Variants in LOXL1 observed in about 807,000 individuals in gnomAD.
The protein encoded by LOXL1 is lysyl oxidase like 1.
In LOXL1, 31 loss-of-function variants were observed where a neutral mutation model predicts 62.2. That is an observed-to-expected ratio of 0.50 (90% CI 0.37 to 0.67). LOXL1 has a LOEUF of 0.67. Ranked by LOEUF, LOXL1 falls within the 30% of genes least tolerant of loss-of-function variation. The pLI, the probability that LOXL1 is intolerant of heterozygous loss-of-function variation, is 0.00. For synonymous variants in LOXL1, 403 were observed against 384.4 expected (o/e 1.05, Z -0.56); for missense variants, 775 against 843.4 (o/e 0.92, Z 1.00).
chr15:73,944,291 T>C (rs1474327183), intron 2 of LOXL1, among the ~76,000 whole-genome samples: 2 of 152,248 alleles, frequency 1.3e-5, no homozygotes, highest in African/African-American at 4.8e-5. Context: ...ACTATTAACA[T>C]CACTGCCTCT....
In LOXL1 at chr15:73,946,882, A is replaced by G. The variant is rs375108947; in HGVS notation, c.1350-185A>G. On this transcript the variant is annotated intron_variant, in intron 3 of 6. Transcript: ENST00000261921. ...GGGTCTAGAGCATGTGCTGTCCTGG[A>G]GTGACCCAGCTAGGTGGGGAGCACA... Among the ~76,000 whole-genome samples, 26 of 152,350 alleles carry G rather than the reference A, an allele frequency of 1.7e-4. No homozygotes were observed. In the East Asian group the frequency reaches 4.2e-3, roughly 25 times the overall value.
At chr15:73,951,342 G>A (rs1800962680) in intron 6 of LOXL1, among the ~76,000 whole-genome samples, 1 of 152,126 alleles carries the variant, frequency 6.6e-6, no homozygotes, top group South Asian at 2.1e-4. Context: ...CTTTACATAA[G>A]TGCTTGGAAA....
intron 1 of LOXL1, among the ~76,000 whole-genome samples, chr15:73,941,115 G>T (rs1197496619): frequency 6.6e-6 from 1 of 152,182 alleles, no homozygotes; most frequent in Admixed American, 6.5e-5. Context: ...GAGGCTTCCA[G>T]GGTCCAGAGA....
Position 73,937,760 on chromosome 15 carries a change from G to A in LOXL1, c.1103-5094G>A, listed in dbSNP as rs139714893. On this transcript the variant is annotated intron_variant, in intron 1 of 6. Coordinates refer to ENST00000261921, the MANE Select transcript of LOXL1 (RefSeq NM_005576.4). ...TCCTGGGAGCAAGAAATTGATGGTG[G>A]CCAGGGTTTTCCTGGGTAGTCTGAG... is the stretch of plus-strand genomic sequence containing the variant. Among the ~76,000 whole-genome samples, 349 of 152,376 alleles carry A rather than the reference G, an allele frequency of 2.3e-3. 1 individual carries two copies. Among genetic ancestry groups the A allele is most frequent in the African/African-American group, 8.1e-3 (337 of 41,598 alleles).
chr15:73,950,327 C>CA (rs1424366608), intron 6 of LOXL1, among the ~76,000 whole-genome samples: 1 of 151,004 alleles, frequency 6.6e-6, no homozygotes, highest in Non-Finnish European at 1.5e-5. Flanking sequence ...CTAGAGCTTT[C>CA]AGCTTTAGTT....
chr15:73,934,517 A>T (rs1304127885), intron 1 of LOXL1, among the ~76,000 whole-genome samples: 1 of 152,198 alleles, frequency 6.6e-6, no homozygotes, highest in African/African-American at 2.4e-5. Flanking sequence ...CAGGCAAAAG[A>T]TAATACCACT....
At chr15:73,928,177 G>A (rs914794005) in intron 1 of LOXL1, 2 of 358,722 alleles carry the variant, frequency 5.6e-6, no homozygotes, top group Non-Finnish European at 9.9e-6. Context: ...GAGGAGGCTC[G>A]CCTTCTGCAC....
chr15:73,946,641 C>T, intron 3 of LOXL1, 87 bp downstream of exon 3: 3 of 1,463,626 alleles, frequency 2.0e-6, no homozygotes, highest in Non-Finnish European at 2.8e-6. Context: ...CCACCATGAG[C>T]ACTCTGGGAG....
chr15:73,946,396 T>TCTCCCCCCC, intron 2 of LOXL1, 21 bp from the exon 3 acceptor site: 2 of 1,195,970 alleles, frequency 1.7e-6, no homozygotes, highest in South Asian at 1.3e-5. Flanking sequence ...CCCCCCCTCA[T>TCTCCCCCCC]CTCCCCCGCC....
chr15:73,932,668 G>A (rs1325158931), intron 1 of LOXL1, among the ~76,000 whole-genome samples: 1 of 152,180 alleles, frequency 6.6e-6, no homozygotes, highest in African/African-American at 2.4e-5. Context: ...CACTGTTCTT[G>A]GAGTTTTGCA....
rs2141637649 is a variant in LOXL1 at position 73,947,919 on chromosome 15, G to A, written c.1602+17G>A. ...ATCCTCAAGGTGGGCCTCTGGGTCT[G>A]GGGCTTTCCCTCCAACCTGATGTTC... is the stretch of plus-strand genomic sequence containing the variant. On this transcript the variant is annotated intron_variant, in intron 5 of 6. Transcript: ENST00000261921. 1 of 1,595,498 alleles carries A rather than the reference G, an allele frequency of 6.3e-7. No homozygotes were observed. Among genetic ancestry groups the A allele is most frequent in the Non-Finnish European group, 8.6e-7 (1 of 1,165,678 alleles).
At position 73,928,869 on chromosome 15, in the gene LOXL1, GAA is replaced by G. The variant is rs5813730; in HGVS notation, c.1102+998_1102+999del. Among the ~76,000 whole-genome samples the G allele has an allele frequency of 3.2e-3, 438 of 137,482 alleles. 2 individuals are homozygous for G. The highest frequency in any genetic ancestry group is 8.8e-3 in the African/African-American group (330 of 37,566). The allele number at this position is 137,482 out of a possible 152,430, so 90.2% of individuals were successfully genotyped here. A position where few individuals can be genotyped will look rare whatever the true frequency, so the allele number is the denominator to read the frequency against. ...ACCCCCTAAAATTTTGCACCCCGAG[GAA>G]AAAAAAAAAAAAACACCTCACTGGC... is the stretch of plus-strand genomic sequence containing the variant. On this transcript the variant is annotated intron_variant, in intron 1 of 6. Coordinates refer to ENST00000261921, the MANE Select transcript of LOXL1 (RefSeq NM_005576.4).
chr15:73,931,437 C>T (rs1284995680), intron 1 of LOXL1, among the ~76,000 whole-genome samples: 1 of 152,162 alleles, frequency 6.6e-6, no homozygotes, highest in African/African-American at 2.4e-5. Flanking sequence ...TGTAGCTCCT[C>T]AGGGCCTTTA....
chr15:73,942,862 G>T lies in LOXL1; in HGVS notation c.1111G>T (p.Asp371Tyr). The T allele has an allele frequency of 6.2e-7, 1 of 1,612,380 alleles. No homozygotes were observed. The highest frequency in any genetic ancestry group is 1.1e-5 in the South Asian group (1 of 90,984). The change falls in exon 2 of 7, where the codon GAC (aspartate) becomes TAC (tyrosine). Residue 371 changes from aspartate to tyrosine, a missense_variant. Physicochemically the swap from Asp to Tyr is radical, Grantham distance 160. Coordinates refer to ENST00000261921, the MANE Select transcript of LOXL1 (RefSeq NM_005576.4). The stretch of plus-strand genomic sequence containing the variant: ...CCCACTGCCCACTCCAGGTCTCCCT[G>T]ACTTGGTCCCAGACCCCAACTATGT... The part of the protein sequence containing the change: ...RPNQNGRGLP[D>Y]LVPDPNYVQA...
intron 1 of LOXL1, among the ~76,000 whole-genome samples, chr15:73,938,967 T>C (rs1454660187): frequency 1.3e-5 from 2 of 152,248 alleles, no homozygotes; most frequent in African/African-American, 4.8e-5. Flanking sequence ...ATGCATACTT[T>C]TTGAGGTGAG....
rs575433661 is a variant in LOXL1 at position 73,933,988 on chromosome 15, G to A, written c.1102+6103G>A. ...GGGTCCCTCTCCCTCTTGCTGATGG[G>A]CACCCAGAAACCAGGCATTGCAGTA... On this transcript the variant is annotated intron_variant, in intron 1 of 6. Coordinates refer to ENST00000261921, the MANE Select transcript of LOXL1 (RefSeq NM_005576.4). 3.3e-5 allele frequency among the ~76,000 whole-genome samples: 5 copies of A among 152,346 alleles called. No individual in the cohort carries two copies. The East Asian group carries it at 9.6e-4, about 29-fold the overall frequency.
Position 73,949,560 on chromosome 15 carries a change from C to G in LOXL1, c.1704C>G (p.Asn568Lys). Residue 568 changes from asparagine to lysine, a missense_variant, in exon 6 of 7, where the codon AAC becomes AAG. Asn to Lys is a moderately conservative substitution (Grantham distance 94). Transcript: ENST00000261921. The stretch of plus-strand genomic sequence containing the variant: ...CAGGTCGCTACGTTTCTGCAACAAA[C>G]TGCAAAATTGTCCAGTAAGAGTTTG... ...HYTGRYVSAT[N>K]CKIVQS 1 of 1,613,080 alleles carries G rather than the reference C, an allele frequency of 6.2e-7. No individual in the cohort carries two copies. Among genetic ancestry groups the G allele is most frequent in the Non-Finnish European group, 8.5e-7 (1 of 1,179,032 alleles).
At position 73,947,172 on chromosome 15, in the gene LOXL1, C is replaced by T. The variant is rs766024082; in HGVS notation, c.1455C>T (p.Ser485=). The change falls in exon 4 of 7, where the codon AGC becomes AGT. Residue 485 remains serine, a synonymous_variant. Transcript: ENST00000261921. ...GHKASFCLED[S]TCDFGNLKRY... Reference sequence around the variant, plus strand: ...AGGCCAGTTTCTGCCTGGAGGACAGCACCTGTGACTTCGGCAACCTCAAGC... The same window carrying T: ...AGGCCAGTTTCTGCCTGGAGGACAGTACCTGTGACTTCGGCAACCTCAAGC... The T allele has an allele frequency of 6.2e-7, 1 of 1,613,534 alleles. No homozygotes were observed. Among genetic ancestry groups the T allele is most frequent in the Non-Finnish European group, 8.5e-7 (1 of 1,179,510 alleles).
chr15:73,949,954 A>G (rs997139776), intron 6 of LOXL1, among the ~76,000 whole-genome samples: 4 of 152,198 alleles, frequency 2.6e-5, no homozygotes, highest in Non-Finnish European at 5.9e-5. Flanking sequence ...GTATTTCCAC[A>G]TAGGCTGGCA....
Sources: allele counts gnomAD v4.1 joint callset (sites outside exome capture counted in the v4.1 genomes callset), GRCh38; gene constraint gnomAD v4.1.1; transcripts MANE v1.5; gene names NCBI Gene and HGNC (gene_info 2026-07-23, HGNC 2026-07-21).